NELL1: variants seen among roughly 807,000 people sequenced by gnomAD.
NELL1 encodes protein kinase C-binding protein NELL1.
In NELL1, 76 loss-of-function variants were observed where a neutral mutation model predicts 107.4. That is an observed-to-expected ratio of 0.71 (90% CI 0.59 to 0.86). NELL1 has a LOEUF of 0.86. NELL1 is among the 40% of genes least tolerant of loss of function. The pLI is 0.00. For synonymous variants in NELL1, 353 were observed against 341.2 expected, an observed-to-expected ratio of 1.03 and a Z score of -0.38; for missense variants, 1,024 against 1,005.5, an observed-to-expected ratio of 1.02 and a Z score of -0.25.
intron 3 of NELL1, among the ~76,000 whole-genome samples, chr11:20,830,271 GT>G (rs1857980463): frequency 6.6e-6 from 1 of 150,880 alleles, no homozygotes. Context: ...AAAAAAAAAA[GT>G]TTTTTTCCAG....
At chr11:20,946,238 A>G (rs1011559796) in intron 10 of NELL1, among the ~76,000 whole-genome samples, 2 of 152,152 alleles carry the variant, frequency 1.3e-5, no homozygotes, top group Non-Finnish European at 2.9e-5. Flanking sequence ...CCTTCATCCT[A>G]TTCTTCCACC....
At chr11:20,701,823 G>T (rs9651576) in intron 2 of NELL1, among the ~76,000 whole-genome samples, 2,009 of 151,780 alleles carry the variant, frequency 0.013, 39 homozygotes, top group African/African-American at 0.046. Context: ...GGTTGTAGAT[G>T]TGCGGTATTA....
intron 13 of NELL1, among the ~76,000 whole-genome samples, chr11:21,169,271 G>A (rs1332922960): frequency 2.0e-5 from 3 of 151,834 alleles, no homozygotes; most frequent in African/African-American, 7.3e-5. Context: ...GTACTCTCCT[G>A]TTTTATTCTA....
intron 15 of NELL1, among the ~76,000 whole-genome samples, chr11:21,428,840 A>G (rs183465117): frequency 6.6e-6 from 1 of 152,298 alleles, no homozygotes; most frequent in East Asian, 1.9e-4. Flanking sequence ...GGAGTTCTGG[A>G]AAGTGTGAAA....
At chr11:21,124,548 A>C (rs936078299) in intron 13 of NELL1, among the ~76,000 whole-genome samples, 2 of 152,092 alleles carry the variant, frequency 1.3e-5, no homozygotes, top group East Asian at 3.9e-4. Flanking sequence ...TAAGAATTTC[A>C]AGATCAAGGT....
intron 2 of NELL1, among the ~76,000 whole-genome samples, chr11:20,707,515 T>C (rs1035622684): frequency 1.3e-5 from 2 of 152,228 alleles, no homozygotes; most frequent in African/African-American, 4.8e-5. Flanking sequence ...CTACCTTTGG[T>C]CTTTGATGAT....
At chr11:20,976,091 T>G (rs2134237472) in intron 12 of NELL1, among the ~76,000 whole-genome samples, 1 of 135,972 alleles carries the variant, frequency 7.4e-6, no homozygotes, top group East Asian at 2.3e-4. Flanking sequence ...ATACATTACA[T>G]TTATATATAC....
intron 13 of NELL1, among the ~76,000 whole-genome samples, chr11:21,174,520 A>T (rs1012633343): frequency 6.6e-6 from 1 of 151,802 alleles, no homozygotes; most frequent in Admixed American, 6.6e-5. Flanking sequence ...GTAGTTGGTT[A>T]AATATATCCT....
intron 14 of NELL1, among the ~76,000 whole-genome samples, chr11:21,352,524 A>G (rs1850840861): frequency 1.3e-5 from 2 of 152,180 alleles, no homozygotes; most frequent in Admixed American, 1.3e-4. Context: ...AAAACTCAAT[A>G]AATTTTAAGT....
At chr11:21,146,816 G>GGA (rs200940101) in intron 13 of NELL1, among the ~76,000 whole-genome samples, 1,895 of 152,060 alleles carry the variant, frequency 0.012, 36 homozygotes, top group African/African-American at 0.044. Context: ...GCCAAGGTGG[G>GGA]GGGGATCATC....
intron 13 of NELL1, among the ~76,000 whole-genome samples, chr11:21,221,860 T>G (rs1255487845): frequency 6.6e-6 from 1 of 151,902 alleles, no homozygotes; most frequent in Non-Finnish European, 1.5e-5. Flanking sequence ...ACCTGGATAA[T>G]TTTTGTAGTT....
intron 14 of NELL1, among the ~76,000 whole-genome samples, chr11:21,348,383 A>C (rs558817088): frequency 6.6e-6 from 1 of 152,222 alleles, no homozygotes; most frequent in South Asian, 2.1e-4. Context: ...GCTCTAGGGG[A>C]GATACAGAAA....
rs1051370748 is a variant in NELL1, at chr11:21,167,649, A to G, written c.1426+53935A>G. Among the ~76,000 whole-genome samples, 27 of 151,894 alleles carry G rather than the reference A, an allele frequency of 1.8e-4. 1 individual carries two copies. The highest frequency in any genetic ancestry group is 1.3e-4 in the Admixed American group (2 of 15,268). On this transcript the variant is annotated intron_variant, in intron 13 of 19. Transcript: ENST00000357134. The stretch of plus-strand genomic sequence containing the variant: ...AGAATACCAGGTGTCTCTTCCTGCC[A>G]CCGACCTTCTGGAGTATGAGTCTCC...
At chr11:20,844,056 C>A (rs550186739) in intron 3 of NELL1, among the ~76,000 whole-genome samples, 57 of 152,302 alleles carry the variant, frequency 3.7e-4, no homozygotes, top group African/African-American at 1.3e-3. Flanking sequence ...ATGGGAAAGT[C>A]AGTGTAGGCG....
intron 3 of NELL1, among the ~76,000 whole-genome samples, chr11:20,835,769 A>G (rs561320753): frequency 6.6e-6 from 1 of 152,338 alleles, no homozygotes; most frequent in East Asian, 1.9e-4. Flanking sequence ...CCTTTTACAT[A>G]AATTAACTCA....
chr11:21,383,865 A>G (rs1430941744), intron 15 of NELL1: 1 of 151,762 alleles, frequency 6.6e-6, no homozygotes, highest in South Asian at 2.1e-4. Context: ...TGGCTTCTCA[A>G]GATCAGACAA....
At chr11:21,486,955 C>G (rs534078598) in intron 15 of NELL1, among the ~76,000 whole-genome samples, 1 of 152,018 alleles carries the variant, frequency 6.6e-6, no homozygotes, top group Non-Finnish European at 1.5e-5. Flanking sequence ...TGAACAAAGA[C>G]TTTGTGGTGT....
At chr11:21,052,594 A>G (rs12284878) in intron 12 of NELL1, among the ~76,000 whole-genome samples, 12,145 of 152,146 alleles carry the variant, frequency 0.08, 1,644 homozygotes, top group African/African-American at 0.27. Context: ...AATAGTGAGG[A>G]AGGAAATCTC....
At chr11:20,715,460 A>T (rs1316874569) in intron 2 of NELL1, among the ~76,000 whole-genome samples, 4 of 152,158 alleles carry the variant, frequency 2.6e-5, no homozygotes, top group African/African-American at 9.7e-5. Flanking sequence ...ATCACACATT[A>T]GCTGTTATGG....
Sources: allele counts gnomAD v4.1 joint callset (sites outside exome capture counted in the v4.1 genomes callset), GRCh38; gene constraint gnomAD v4.1.1; transcripts MANE v1.5; gene names NCBI Gene and HGNC (gene_info 2026-07-23, HGNC 2026-07-21).